The following NAV3 variants were observed in gnomAD, a reference collection of about 807,000 sequenced individuals.
The protein encoded by NAV3 is neuron navigator 3.
In NAV3, 87 loss-of-function variants were observed where a neutral mutation model predicts 244.7. The observed-to-expected ratio is 0.36, with a 90% CI of 0.30 to 0.42. The LOEUF (loss-of-function observed/expected upper bound fraction) is 0.42, where lower values mean the gene tolerates loss of function less well. Ranked by LOEUF, NAV3 falls within the 20% of genes least tolerant of loss-of-function variation. The pLI is 1.00. For synonymous variants in NAV3, 1,126 were observed against 1,042.2 expected (o/e 1.08, Z -1.55); for missense variants, 2,663 against 2,893.3 (o/e 0.92, Z 1.83).
chr12:77,642,273 A>C (rs1383654065), intron 2 of NAV3, among the ~76,000 whole-genome samples: 1 of 152,054 alleles, frequency 6.6e-6, no homozygotes, highest in Non-Finnish European at 1.5e-5. Flanking sequence ...AGTGTTTTAA[A>C]AATCTTTAAT....
At position 78,037,513 on chromosome 12, in the gene NAV3, C is replaced by A. The variant is rs1566045623; in HGVS notation, c.2024-12480C>A. The A allele has an allele frequency of 1.0e-5, 6 of 589,582 alleles. No homozygotes were observed. The Admixed American group carries it at 1.8e-4, about 18-fold the overall frequency. The allele number at this position is 589,582 out of a possible 1,614,324, so 36.5% of individuals were successfully genotyped here. On this transcript the variant is annotated intron_variant, in intron 9 of 39. Coordinates refer to ENST00000397909, the MANE Select transcript of NAV3 (RefSeq NM_001024383.2). ...ACTGATTTTTAAAAATACATAGTTA[C>A]ATTTTAAATTCCTGTTTCTTGAAGT...
At position 77,731,474 on chromosome 12, in the gene NAV3, C is replaced by T. The variant is rs141747937; in HGVS notation, c.72+159208C>T. Among the ~76,000 whole-genome samples, 282 of 151,984 alleles carry T rather than the reference C, an allele frequency of 1.9e-3. 2 individuals are homozygous for T. Among genetic ancestry groups the T allele is most frequent in the African/African-American group, 6.3e-3 (263 of 41,498 alleles). On this transcript the variant is annotated intron_variant, in intron 2 of 8. Transcript: ENST00000550042. ...ATAACCCAGCAGGAAACATATTTAC[C>T]TAGTTAGTATAACATAAACACTGAA...
At chr12:77,944,104 C>T (rs151191260) in intron 3 of NAV3, among the ~76,000 whole-genome samples, 349 of 152,174 alleles carry the variant, frequency 2.3e-3, no homozygotes, top group African/African-American at 7.6e-3. Context: ...AGAACAAAAA[C>T]GACTGAGAAT....
chr12:78,082,980 G>A (rs1953437143), intron 12 of NAV3, among the ~76,000 whole-genome samples: 1 of 152,244 alleles, frequency 6.6e-6, no homozygotes, highest in South Asian at 2.1e-4. Context: ...AAATACCTAT[G>A]TTGAAGCCTG....
At chr12:77,917,088 CATATT>C (rs763758332) in intron 1 of NAV3, among the ~76,000 whole-genome samples, 10 of 151,974 alleles carry the variant, frequency 6.6e-5, no homozygotes, top group African/African-American at 1.4e-4. Context: ...AAAAATCTGA[CATATT>C]ATAAAGTTTA....
rs1476092619 is a variant in NAV3 at position 77,941,036 on chromosome 12, A to C, written c.362-45A>C. On this transcript the variant is annotated intron_variant, in intron 2 of 39. Coordinates refer to ENST00000397909, the MANE Select transcript of NAV3 (RefSeq NM_001024383.2). ...GTGTGTTTCACTTCATTGCTTAAGCATGTCGTTCTTTTTTTCTCTCTTTTA... is the reference window on the plus strand; with the variant it reads ...GTGTGTTTCACTTCATTGCTTAAGCCTGTCGTTCTTTTTTTCTCTCTTTTA... 1.5e-5 allele frequency: 18 copies of C among 1,230,242 alleles called. No homozygotes were observed. In the African/African-American group the frequency reaches 2.0e-4, roughly 13 times the overall value. 76.2% of individuals were successfully genotyped at this position (1,230,242 alleles called of 1,614,324 possible).
At chr12:77,787,910 C>T (rs1870982175) in intron 2 of NAV3, among the ~76,000 whole-genome samples, 1 of 152,098 alleles carries the variant, frequency 6.6e-6, no homozygotes, top group African/African-American at 2.4e-5. Context: ...TAAATGGCAG[C>T]ATATTTAAAA....
chr12:77,689,538 T>C (rs1316388329), intron 2 of NAV3, among the ~76,000 whole-genome samples: 1 of 151,894 alleles, frequency 6.6e-6, no homozygotes, highest in Non-Finnish European at 1.5e-5. Context: ...AACTCAAAAC[T>C]TTTAAAGGAG....
At chr12:77,707,364 C>T (rs1380997879) in intron 2 of NAV3, among the ~76,000 whole-genome samples, 1 of 152,010 alleles carries the variant, frequency 6.6e-6, no homozygotes, top group Non-Finnish European at 1.5e-5. Flanking sequence ...CAGCTTCATC[C>T]ATGTCCCTAC....
At chr12:77,877,621 A>AAATAAATG (rs1882027979) in intron 1 of NAV3, among the ~76,000 whole-genome samples, 1 of 152,164 alleles carries the variant, frequency 6.6e-6, no homozygotes, top group Non-Finnish European at 1.5e-5. Flanking sequence ...ATTAGGAAAT[A>AAATAAATG]AATAAATGGG....
At chr12:77,881,593 C>G (rs571643714) in intron 1 of NAV3, among the ~76,000 whole-genome samples, 1 of 152,154 alleles carries the variant, frequency 6.6e-6, no homozygotes, top group African/African-American at 2.4e-5. Flanking sequence ...AATTAGTGAA[C>G]AGAAAGAAAT....
Position 78,144,932 on chromosome 12 carries a change from AAAAAAAAAAAAAAAAG to A in NAV3, c.4684-1433_4684-1418del, listed in dbSNP as rs1565717908. 116 of 144,132 alleles carry A rather than the reference AAAAAAAAAAAAAAAAG, an allele frequency of 8.0e-4. No individual in the cohort carries two copies. In the Middle Eastern group the frequency reaches 0.01, roughly 13 times the overall value. The allele number at this position is 144,132 out of a possible 1,614,324, so 8.9% of individuals were successfully genotyped here. A position where few individuals can be genotyped will look rare whatever the true frequency, so the allele number is the denominator to read the frequency against. ...TGTCTCAAAAAAAAAAAAAAAAAAA[AAAAAAAAAAAAAAAAG>A]AAAGAAAGAAAGAAAAACAACAACA... On this transcript the variant is annotated intron_variant, in intron 20 of 39. Transcript: ENST00000397909.
intron 2 of NAV3, among the ~76,000 whole-genome samples, chr12:77,782,638 C>T (rs1377244499): frequency 2.0e-5 from 3 of 152,122 alleles, no homozygotes; most frequent in Admixed American, 6.5e-5. Flanking sequence ...ACAATTCAAA[C>T]CTTTTTACAC....
At chr12:77,580,984 T>C (rs1253832803) in intron 2 of NAV3, among the ~76,000 whole-genome samples, 2 of 152,192 alleles carry the variant, frequency 1.3e-5, no homozygotes, top group Non-Finnish European at 2.9e-5. Context: ...CCTGCCATAC[T>C]TCTCCAAACT....
At chr12:77,922,385 T>C (rs929924360) in intron 1 of NAV3, among the ~76,000 whole-genome samples, 2 of 152,146 alleles carry the variant, frequency 1.3e-5, no homozygotes, top group Non-Finnish European at 2.9e-5. Context: ...GTGAATGTTT[T>C]GGTTTTTGAC....
intron 12 of NAV3, among the ~76,000 whole-genome samples, chr12:78,062,904 A>C (rs980271103): frequency 2.6e-5 from 4 of 152,148 alleles, no homozygotes; most frequent in African/African-American, 9.7e-5. Context: ...AAAAAAATCC[A>C]CAGCATTTTT....
intron 1 of NAV3, among the ~76,000 whole-genome samples, chr12:77,882,210 T>C (rs1028239014): frequency 6.6e-6 from 1 of 152,160 alleles, no homozygotes; most frequent in Admixed American, 6.6e-5. Flanking sequence ...AACAGCATGA[T>C]ACTGGTACAA....
intron 2 of NAV3, among the ~76,000 whole-genome samples, chr12:77,757,529 A>G (rs1057048609): frequency 1.6e-4 from 25 of 152,220 alleles, no homozygotes; most frequent in African/African-American, 6.0e-4. Context: ...TTTAATATCA[A>G]GGGTTGTAAC....
intron 1 of NAV3, among the ~76,000 whole-genome samples, chr12:77,887,672 G>A (rs1883448079): frequency 6.6e-6 from 1 of 152,194 alleles, no homozygotes; most frequent in Middle Eastern, 3.4e-3. Context: ...TTTCCACTTT[G>A]AGAGACTTAT....
Sources: allele counts gnomAD v4.1 joint callset (sites outside exome capture counted in the v4.1 genomes callset), GRCh38; gene constraint gnomAD v4.1.1; transcripts MANE v1.5; gene names NCBI Gene and HGNC (gene_info 2026-07-23, HGNC 2026-07-21).